VAMP4: variants seen among roughly 807,000 people sequenced by gnomAD.
The protein encoded by VAMP4 is vesicle-associated membrane protein 4.
In VAMP4, 19 loss-of-function variants were observed where a neutral mutation model predicts 23.5. The ratio of observed to expected loss-of-function variants is 0.81; its 90% confidence interval spans 0.56 to 1.19. The LOEUF (loss-of-function observed/expected upper bound fraction) is 1.19. VAMP4 is among the 50% of genes most tolerant of loss of function. The pLI is 0.00. For missense variants in VAMP4, 145 were observed against 168.6 expected (o/e 0.86, Z 0.78); for synonymous variants, 31 against 51.0 (o/e 0.61, Z 1.67).
chr1:171,710,874 A>C (rs569110093), intron 4 of VAMP4, 60 bp from the exon 5 acceptor site: 1 of 1,265,562 alleles, frequency 7.9e-7, no homozygotes, highest in African/African-American at 1.5e-5. Flanking sequence ...ACAATTTTTA[A>C]AACTTTCATT....
intron 4 of VAMP4, among the ~76,000 whole-genome samples, chr1:171,718,660 C>A (rs1239571459): frequency 6.6e-6 from 1 of 152,032 alleles, no homozygotes; most frequent in South Asian, 2.1e-4. Context: ...ACATGCAGTA[C>A]ATCAACAAAT....
At chr1:171,718,361 G>T (rs1655084862) in intron 4 of VAMP4, among the ~76,000 whole-genome samples, 1 of 152,000 alleles carries the variant, frequency 6.6e-6, no homozygotes, top group South Asian at 2.1e-4. Flanking sequence ...CCCTCCTTAG[G>T]TCTTGAACCT....
rs59222991 is a variant in VAMP4, at chr1:171,703,425, G to GTATATATATA, written c.*1071_*1080dup. ...TGTGTGTGTGTGTGTGTGTTTGTGT[G>GTATATATATA]TATATATATATATATATATATATAT... On this transcript the variant is annotated 3_prime_UTR_variant, in exon 8 of 8. Transcript: ENST00000236192. 209 of 80,544 alleles carry GTATATATATA rather than the reference G, an allele frequency of 2.6e-3. 2 individuals are homozygous for GTATATATATA. Among genetic ancestry groups the GTATATATATA allele is most frequent in the South Asian group, 3.4e-3 (7 of 2,048 alleles). 5.0% of individuals were successfully genotyped at this position (80,544 alleles called of 1,614,324 possible).
Position 171,704,402 on chromosome 1 carries a change from A to AAAAG in VAMP4, c.*100_*103dup. 1.0e-6 allele frequency: 1 copy of AAAAG among 959,234 alleles called. No individual in the cohort carries two copies. 59.4% of individuals were successfully genotyped at this position (959,234 alleles called of 1,614,324 possible). ...TGATACTTGCCTCTTAGTTTCTTGA[A>AAAAG]AAAGAAGTTTTGAAAGTTATATACA... On this transcript the variant is annotated 3_prime_UTR_variant, in exon 8 of 8. Transcript: ENST00000236192.
intron 3 of VAMP4, among the ~76,000 whole-genome samples, chr1:171,727,757 A>G (rs1243294003): frequency 6.6e-6 from 1 of 152,240 alleles, no homozygotes; most frequent in African/African-American, 2.4e-5. Flanking sequence ...AATACTACTC[A>G]GAAAATTAAA....
intron 1 of VAMP4, among the ~76,000 whole-genome samples, chr1:171,741,345 G>C (rs1256040998): frequency 6.6e-6 from 1 of 152,136 alleles, no homozygotes; most frequent in Non-Finnish European, 1.5e-5. Context: ...CAGTTTCACA[G>C]AAATAAAGTG....
intron 5 of VAMP4, 45 bp downstream of exon 5, chr1:171,710,669 T>A (rs1442753845): frequency 2.0e-6 from 3 of 1,472,944 alleles, no homozygotes; most frequent in Non-Finnish European, 2.8e-6. Flanking sequence ...AGACAAAAAC[T>A]AGCAAACAGA....
chr1:171,717,814 T>G (rs1054106071), intron 4 of VAMP4, among the ~76,000 whole-genome samples: 26 of 152,208 alleles, frequency 1.7e-4, no homozygotes, highest in African/African-American at 6.3e-4. Context: ...CTACTCTTCC[T>G]TTTACTATAT....
In VAMP4 at chr1:171,728,532, GTCC is replaced by G. The variant is rs1166678600; in HGVS notation, c.102_104del (p.Glu34del). 1.3e-6 allele frequency: 2 copies of G among 1,541,300 alleles called. No homozygotes were observed. Among genetic ancestry groups the G allele is most frequent in the Non-Finnish European group, 1.7e-6 (2 of 1,145,596 alleles). ...TGTAAAAAAAAACTTACAGAAAAAA[GTCC>G]TCTTCTTCATCTGAATCATCTTCCA... On this transcript the variant is annotated inframe_deletion, in exon 3 of 8. Coordinates refer to ENST00000236192, the MANE Select transcript of VAMP4 (RefSeq NM_003762.5).
intron 6 of VAMP4, among the ~76,000 whole-genome samples, chr1:171,707,450 A>G (rs1345282158): frequency 1.3e-5 from 2 of 152,148 alleles, no homozygotes; most frequent in Non-Finnish European, 2.9e-5. Context: ...ACTGCACGAC[A>G]TCCCCCTTAG....
chr1:171,731,266 T>G (rs1558114166), intron 2 of VAMP4, among the ~76,000 whole-genome samples: 2 of 151,764 alleles, frequency 1.3e-5, no homozygotes, highest in Admixed American at 1.3e-4. Flanking sequence ...GGGCCTGTTG[T>G]GGGGTGGGGA....
At chr1:171,737,962 CTGT>C (rs1001085048) in intron 2 of VAMP4, among the ~76,000 whole-genome samples, 133 of 146,090 alleles carry the variant, frequency 9.1e-4, no homozygotes, top group Middle Eastern at 3.5e-3. Context: ...TTTGATTTTT[CTGT>C]TGTTATTATT....
At chr1:171,740,137 C>T (rs908350529) in intron 1 of VAMP4, among the ~76,000 whole-genome samples, 2 of 152,126 alleles carry the variant, frequency 1.3e-5, no homozygotes, top group East Asian at 1.9e-4. Flanking sequence ...GTAACGATAA[C>T]GTTAGTCACT....
rs1654388321 is a variant in VAMP4, at chr1:171,700,393, AAAT to A, written c.*4110_*4112del. 6.6e-6 allele frequency: 1 copy of A among 152,228 alleles called. No individual in the cohort carries two copies. Among genetic ancestry groups the A allele is most frequent in the South Asian group, 2.1e-4 (1 of 4,832 alleles). The allele number at this position is 152,228 out of a possible 1,614,324, so 9.4% of individuals were successfully genotyped here. Reference sequence around the variant, plus strand: ...ATTAAATAAGGGAGTGTGGAATTTAAAATAATGACATATACCCAAGACACAAAA... The same window carrying A: ...ATTAAATAAGGGAGTGTGGAATTTAAAATGACATATACCCAAGACACAAAA... On this transcript the variant is annotated 3_prime_UTR_variant, in exon 8 of 8. Transcript: ENST00000236192.
intron 4 of VAMP4, among the ~76,000 whole-genome samples, chr1:171,715,825 A>G (rs924016414): frequency 2.6e-5 from 4 of 152,070 alleles, no homozygotes; most frequent in African/African-American, 7.2e-5. Flanking sequence ...TCTGGGCAAC[A>G]TAGGGAAACC....
intron 2 of VAMP4, 24 bp from the exon 3 acceptor site, chr1:171,728,594 G>C: frequency 6.4e-7 from 1 of 1,555,564 alleles, no homozygotes; most frequent in Non-Finnish European, 8.7e-7. Context: ...AAAAAGACTT[G>C]AGTTTTCAGA....
chr1:171,737,842 G>A (rs1292503737), intron 2 of VAMP4, among the ~76,000 whole-genome samples: 3 of 152,134 alleles, frequency 2.0e-5, no homozygotes, highest in South Asian at 4.1e-4. Flanking sequence ...TGAGAATAAT[G>A]ATTTGATCAA....
chr1:171,725,473 G>T (rs61807083), intron 3 of VAMP4, among the ~76,000 whole-genome samples: 1 of 152,026 alleles, frequency 6.6e-6, no homozygotes, highest in African/African-American at 2.4e-5. Context: ...AAAAAAATGA[G>T]TTCCTTTTTG....
chr1:171,705,504 G>A (rs887893624), intron 7 of VAMP4, among the ~76,000 whole-genome samples: 1 of 152,116 alleles, frequency 6.6e-6, no homozygotes, highest in African/African-American at 2.4e-5. Context: ...CCTCAGCTAG[G>A]GATGTGTGGG....
Sources: allele counts gnomAD v4.1 joint callset (sites outside exome capture counted in the v4.1 genomes callset), GRCh38; gene constraint gnomAD v4.1.1; transcripts MANE v1.5; gene names NCBI Gene and HGNC (gene_info 2026-07-23, HGNC 2026-07-21).